The following INTS6 variants were observed in gnomAD, a reference collection of about 807,000 sequenced individuals.
The protein encoded by INTS6 is DEAD box protein.
A neutral mutation model predicts 104.9 loss-of-function variants in INTS6; 16 were observed. The observed-to-expected ratio is 0.15, with a 90% CI of 0.10 to 0.23. INTS6 has a LOEUF of 0.23. Among genes scored for constraint, INTS6 ranks in the 10% least tolerant of loss-of-function variants. The probability of loss-of-function intolerance (pLI) is 1.00; values close to 1 mark genes in which losing one functional copy is unlikely to be tolerated. For synonymous variants in INTS6, 324 were observed against 358.7 expected (o/e 0.90, Z 1.09); for missense variants, 584 against 1,062.8 (o/e 0.55, Z 6.26).
At chr13:51,353,093 T>C (rs1955424494), downstream of INTS6, among the ~76,000 whole-genome samples, 1 of 152,174 alleles carries the variant, frequency 6.6e-6, no homozygotes, top group Non-Finnish European at 1.5e-5. Context: ...TGGTAAAGGG[T>C]ATTTTTTTAC....
chr13:51,373,200 T>C (rs1189922898), intron 15 of INTS6, among the ~76,000 whole-genome samples: 1 of 149,842 alleles, frequency 6.7e-6, no homozygotes, highest in Non-Finnish European at 1.5e-5. Context: ...TTTTGGTGTT[T>C]GGTTTTTTTT....
intron 4 of INTS6, among the ~76,000 whole-genome samples, chr13:51,399,805 T>C (rs1956403817): frequency 6.6e-6 from 1 of 152,166 alleles, no homozygotes. Flanking sequence ...ATACGCTTAT[T>C]GGCCATTTCA....
intron 9 of INTS6, 67 bp downstream of exon 9, chr13:51,383,262 C>A: frequency 7.3e-7 from 1 of 1,377,018 alleles, no homozygotes. Context: ...AGAAAAACTA[C>A]AAAGAAATGC....
At chr13:51,375,679 G>A (rs1174066312) in intron 13 of INTS6, among the ~76,000 whole-genome samples, 49 of 151,944 alleles carry the variant, frequency 3.2e-4, no homozygotes, top group African/African-American at 2.4e-5. Flanking sequence ...ATTATCTCAA[G>A]AAAATGATTG....
intron 3 of INTS6, chr13:51,450,279 T>G (rs955486316): frequency 4.1e-6 from 4 of 985,058 alleles, no homozygotes; most frequent in Middle Eastern, 5.2e-4. Context: ...AATGTTACAA[T>G]AGACCACCTT....
At chr13:51,345,293 T>A in the INTS6 span, among the ~76,000 whole-genome samples, 1 of 152,016 alleles carries the variant, frequency 6.6e-6, no homozygotes, top group Non-Finnish European at 1.5e-5. Context: ...ATTTCAAAAG[T>A]TTCATAGCAA....
chr13:51,412,691 G>A (rs1224239269), intron 4 of INTS6, among the ~76,000 whole-genome samples: 1 of 152,194 alleles, frequency 6.6e-6, no homozygotes, highest in Non-Finnish European at 1.5e-5. Context: ...AGGGATACCT[G>A]AAGTACTTTA....
chr13:51,425,361 T>C (rs1347215506), intron 4 of INTS6, among the ~76,000 whole-genome samples: 2 of 152,052 alleles, frequency 1.3e-5, no homozygotes, highest in Non-Finnish European at 2.9e-5. Flanking sequence ...GTTGTCCTAG[T>C]TGGGCTTAAA....
At chr13:51,380,621 A>G (rs934994943) in intron 10 of INTS6, among the ~76,000 whole-genome samples, 1 of 152,180 alleles carries the variant, frequency 6.6e-6, no homozygotes, top group Non-Finnish European at 1.5e-5. Context: ...AAAGCTCAAG[A>G]AATTAATCTC....
chr13:51,425,835 A>G (rs895292260), intron 4 of INTS6, among the ~76,000 whole-genome samples: 1 of 152,132 alleles, frequency 6.6e-6, no homozygotes, highest in African/African-American at 2.4e-5. Flanking sequence ...GGACACAGGT[A>G]TGTTTATCAA....
rs1955622358 is a variant in INTS6 at position 51,363,442 on chromosome 13, A to G, written c.*2310T>C. On this transcript the variant is annotated 3_prime_UTR_variant, in exon 18 of 18. Coordinates refer to ENST00000311234, the MANE Select transcript of INTS6 (RefSeq NM_012141.3). ...TGAGTCTCAGCCTTCATTATTTCCA[A>G]CTGACAAATCTTACTAAGAGCAACT... 6.6e-6 allele frequency: 1 copy of G among 151,858 alleles called. No homozygotes were observed. Among genetic ancestry groups the G allele is most frequent in the Admixed American group, 6.6e-5 (1 of 15,198 alleles). The allele number at this position is 151,858 out of a possible 1,614,324, so 9.4% of individuals were successfully genotyped here. A position where few individuals can be genotyped will look rare whatever the true frequency, so the allele number is the denominator to read the frequency against.
downstream of INTS6, among the ~76,000 whole-genome samples, chr13:51,360,350 T>G (rs1174922390): frequency 6.6e-6 from 1 of 151,988 alleles, no homozygotes; most frequent in Non-Finnish European, 1.5e-5. Context: ...GAGTGGGCTT[T>G]CAATCAGAAT....
At chr13:51,429,785 A>ATAT (rs1555290260) in intron 4 of INTS6, among the ~76,000 whole-genome samples, 36 of 92,386 alleles carry the variant, frequency 3.9e-4, no homozygotes, top group East Asian at 9.8e-4. Context: ...AAAAAAAAAA[A>ATAT]ATATATATAT....
At chr13:51,420,412 T>C in intron 4 of INTS6, among the ~76,000 whole-genome samples, 1 of 151,922 alleles carries the variant, frequency 6.6e-6, no homozygotes, top group Non-Finnish European at 1.5e-5. Flanking sequence ...ATCAATGTTA[T>C]TACATGAATA....
intron 4 of INTS6, among the ~76,000 whole-genome samples, chr13:51,398,717 G>A (rs531906719): frequency 6.9e-6 from 1 of 144,448 alleles, no homozygotes; most frequent in African/African-American, 2.6e-5. Context: ...CATATTATTT[G>A]TATAAGATGT....
Position 51,369,229 on chromosome 13 carries a change from G to C in INTS6, c.2186C>G (p.Pro729Arg). The C allele has an allele frequency of 6.2e-7, 1 of 1,613,642 alleles. No homozygotes were observed. Among genetic ancestry groups the C allele is most frequent in the South Asian group, 1.1e-5 (1 of 91,080 alleles). Residue 729 changes from proline to arginine, a missense_variant, in exon 16 of 18, where the codon CCA becomes CGA. By Grantham distance (103) the Pro-to-Arg change is moderately radical. Coordinates refer to ENST00000311234, the MANE Select transcript of INTS6 (RefSeq NM_012141.3). ...TGAAAATTCCGTATCCATAGCATTT[G>C]GTGTAATGTCTGATGAAAGTTGGTC... ...VADQLSSDIT[P>R]NAMDTEFSAS...
the INTS6 span, chr13:51,341,493 TG>T: frequency 1.2e-6 from 1 of 825,792 alleles, no homozygotes. Context: ...CAGCTCACCC[TG>T]CTGCTCAGGC....
intron 15 of INTS6, among the ~76,000 whole-genome samples, chr13:51,370,809 C>T (rs796856015): frequency 5.3e-5 from 8 of 152,272 alleles, no homozygotes; most frequent in African/African-American, 1.7e-4. Context: ...GGCCTCAATC[C>T]CCTGTCTGGC....
At chr13:51,410,177 A>T (rs1327055023) in intron 4 of INTS6, among the ~76,000 whole-genome samples, 2 of 152,206 alleles carry the variant, frequency 1.3e-5, no homozygotes, top group Non-Finnish European at 2.9e-5. Context: ...TATAGATTCA[A>T]TGTAATTCCA....
Sources: gnomAD v4.1 joint callset for allele counts (sites outside exome capture counted in the v4.1 genomes callset) on GRCh38, gnomAD v4.1.1 for gene constraint, MANE v1.5 for transcripts, NCBI Gene and HGNC (gene_info 2026-07-23, HGNC 2026-07-21) for gene names.